DACH2: variants seen among roughly 807,000 people sequenced by gnomAD.
DACH2 encodes dachshund homolog 2.
Under a neutral mutation model 35.8 loss-of-function variants are expected in DACH2, and 17 were observed. The ratio of observed to expected loss-of-function variants is 0.48; its 90% confidence interval spans 0.33 to 0.71. DACH2 has a LOEUF of 0.71. Among genes scored for constraint, DACH2 ranks in the 30% least tolerant of loss-of-function variants. DACH2 has a pLI of 0.02. For missense variants in DACH2, 469 were observed against 472.7 expected (o/e 0.99, Z 0.07); for synonymous variants, 195 against 177.3 (o/e 1.10, Z -0.79).
intron 3 of DACH2, among the ~76,000 whole-genome samples, chrX:86,599,466 T>TTTCTTTCTTTCTTTCTTTC (rs769918472): frequency 6.4e-5 from 4 of 62,780 alleles, no homozygotes; most frequent in Admixed American, 2.2e-4. Flanking sequence ...TCCTTCCTTC[T>TTTCTTTCTTTCTTTCTTTC]TTTCTTTCTT....
At chrX:86,320,974 G>T (rs1248257039) in intron 1 of DACH2, among the ~76,000 whole-genome samples, 1 of 111,503 alleles carries the variant, frequency 9.0e-6, no homozygotes, top group Non-Finnish European at 1.9e-5. Context: ...CTGTACCCAG[G>T]TACTCATGGT....
intron 2 of DACH2, among the ~76,000 whole-genome samples, chrX:86,479,910 A>C (rs762476140): frequency 8.9e-6 from 1 of 112,636 alleles, no homozygotes; most frequent in Non-Finnish European, 1.9e-5. Context: ...AGTTTCCTCA[A>C]AACAACTATT....
intron 2 of DACH2, among the ~76,000 whole-genome samples, chrX:86,390,676 G>A (rs1166960533): frequency 9.1e-6 from 1 of 110,043 alleles, no homozygotes; most frequent in Non-Finnish European, 1.9e-5. Flanking sequence ...TGCAACCTCC[G>A]CCTCTCAGGT....
At chrX:86,154,336 G>A (rs2030469590) in intron 1 of DACH2, among the ~76,000 whole-genome samples, 1 of 111,038 alleles carries the variant, frequency 9.0e-6, no homozygotes, top group African/African-American at 3.3e-5. Context: ...TTATGTTTTT[G>A]TGAAAAAGAC....
At chrX:86,621,552 A>T (rs2036603124) in intron 3 of DACH2, among the ~76,000 whole-genome samples, 1 of 87,665 alleles carries the variant, frequency 1.1e-5, no homozygotes, top group African/African-American at 5.0e-5. Context: ...TTTTAATAAT[A>T]AAAAAAAAAG....
chrX:86,467,623 G>A (rs1481470862), intron 2 of DACH2, among the ~76,000 whole-genome samples: 1 of 111,120 alleles, frequency 9.0e-6, no homozygotes, highest in Non-Finnish European at 1.9e-5. Context: ...TGGCCTTATA[G>A]CAGCACCCCA....
intron 2 of DACH2, among the ~76,000 whole-genome samples, chrX:86,495,548 G>A: frequency 9.0e-6 from 1 of 110,934 alleles, no homozygotes; most frequent in South Asian, 3.8e-4. Context: ...GGTGGCTCAA[G>A]CCTGTAATAC....
intron 7 of DACH2, among the ~76,000 whole-genome samples, chrX:86,777,604 A>G (rs1237471512): frequency 9.0e-6 from 1 of 111,515 alleles, no homozygotes; most frequent in Non-Finnish European, 1.9e-5. Context: ...TATATTTTCT[A>G]TATTTATTTA....
chrX:86,372,703 G>A (rs545484921), intron 1 of DACH2, among the ~76,000 whole-genome samples: 4 of 110,861 alleles, frequency 3.6e-5, no homozygotes, highest in African/African-American at 9.8e-5. Flanking sequence ...TGGGGGGTAC[G>A]TGTGCAAGTT....
At chrX:86,625,357 GATA>G (rs1190017897) in intron 3 of DACH2, among the ~76,000 whole-genome samples, 1 of 109,535 alleles carries the variant, frequency 9.1e-6, no homozygotes, top group Non-Finnish European at 1.9e-5. Context: ...GCATATATCA[GATA>G]ATGACACTTT....
chrX:86,311,398 A>T (rs1216106457), intron 1 of DACH2, among the ~76,000 whole-genome samples: 1 of 112,124 alleles, frequency 8.9e-6, no homozygotes, highest in Non-Finnish European at 1.9e-5. Flanking sequence ...CTGGATTGAT[A>T]GAACGGTGGA....
At chrX:86,399,094 G>C (rs967503434) in intron 2 of DACH2, among the ~76,000 whole-genome samples, 1 of 111,760 alleles carries the variant, frequency 8.9e-6, no homozygotes, top group Non-Finnish European at 1.9e-5. Context: ...ATATATTTAG[G>C]ATAGTTCTTC....
At chrX:86,635,783 G>T (rs1367288470) in intron 3 of DACH2, among the ~76,000 whole-genome samples, 1 of 111,247 alleles carries the variant, frequency 9.0e-6, no homozygotes, top group Non-Finnish European at 1.9e-5. Flanking sequence ...ATTCACAATT[G>T]CCACAAAAAG....
intron 5 of DACH2, among the ~76,000 whole-genome samples, chrX:86,696,748 A>G (rs748160769): frequency 6.3e-5 from 7 of 111,205 alleles, no homozygotes; most frequent in Non-Finnish European, 1.1e-4. Context: ...CTCGAGAGAC[A>G]AAAACTCATG....
At chrX:86,735,630 C>A (rs899106132) in intron 6 of DACH2, among the ~76,000 whole-genome samples, 1 of 111,315 alleles carries the variant, frequency 9.0e-6, no homozygotes, top group Non-Finnish European at 1.9e-5. Flanking sequence ...TTACTAATTG[C>A]AGGGAAAAAT....
chrX:86,798,882 T>C (rs1018343158), intron 7 of DACH2: 1 of 152,131 alleles, frequency 6.6e-6, no homozygotes, highest in South Asian at 1.5e-4. Context: ...CAAAGGCTCA[T>C]CTCCTTGTTG....
At chrX:86,386,287 G>C (rs748418549) in intron 2 of DACH2, among the ~76,000 whole-genome samples, 29 of 111,121 alleles carry the variant, frequency 2.6e-4, no homozygotes, top group African/African-American at 9.5e-4. Context: ...ATGTGTTTTT[G>C]GGGGAAAGAC....
At chrX:86,222,175 G>A (rs1485916942) in intron 1 of DACH2, among the ~76,000 whole-genome samples, 1 of 112,164 alleles carries the variant, frequency 8.9e-6, no homozygotes, top group African/African-American at 3.2e-5. Context: ...AGATACAATT[G>A]CTGTACACGA....
intron 1 of DACH2, among the ~76,000 whole-genome samples, chrX:86,286,347 G>T (rs1430814977): frequency 9.1e-6 from 1 of 109,520 alleles, no homozygotes; most frequent in Non-Finnish European, 1.9e-5. Flanking sequence ...AGCCAGGTTG[G>T]TCTAGATCTC....
Sources: allele counts gnomAD v4.1 joint callset (sites outside exome capture counted in the v4.1 genomes callset), GRCh38; gene constraint gnomAD v4.1.1; transcripts MANE v1.5; gene names NCBI Gene and HGNC (gene_info 2026-07-23, HGNC 2026-07-21).